GGCX: variants seen among roughly 807,000 people sequenced by gnomAD.
The protein encoded by GGCX is vitamin K-dependent gamma-carboxylase.
Under a neutral mutation model 88.5 loss-of-function variants are expected in GGCX, and 63 were observed. The observed-to-expected ratio is 0.71, with a 90% CI of 0.58 to 0.88. The LOEUF (loss-of-function observed/expected upper bound fraction) is 0.88, where lower values mean the gene tolerates loss of function less well. GGCX is among the 40% of genes least tolerant of loss of function. GGCX has a pLI of 0.00. For missense variants in GGCX, 805 were observed against 932.9 expected (o/e 0.86, Z 1.79); for synonymous variants, 368 against 365.8 (o/e 1.01, Z -0.07).
intron 13 of GGCX, 69 bp from the exon 14 acceptor site, chr2:85,550,819 T>C: frequency 6.3e-7 from 1 of 1,584,366 alleles, no homozygotes; most frequent in African/African-American, 1.3e-5. Context: ...ACTCCTCTTC[T>C]GCCAGCTAGA....
chr2:85,551,654 G>A, intron 11 of GGCX, 44 bp from the exon 12 acceptor site: 5 of 1,611,004 alleles, frequency 3.1e-6, no homozygotes, highest in Non-Finnish European at 4.2e-6. Flanking sequence ...ATGGCAGAGT[G>A]AACTCACTCC....
Position 85,560,806 on chromosome 2 carries a change from T to A in GGCX, c.214+9A>T. On this transcript the variant is annotated intron_variant, in intron 2 of 14. Transcript: ENST00000233838. ...AACCAAATTGCTCCCACCCATAAAC[T>A]GGACTCACCAAAAAGAAAACGAAAG... 6.2e-7 allele frequency: 1 copy of A among 1,611,646 alleles called. No homozygotes were observed.
Position 85,552,730 on chromosome 2 carries a change from GCTTA to G in GGCX, c.1288-167_1288-164del, listed in dbSNP as rs1342888774. ...AATTTTTCATTGTTGGGCTAGTGGT[GCTTA>G]CTTTTCCTGAATCTAATCTCAGTTC... is the stretch of plus-strand genomic sequence containing the variant. On this transcript the variant is annotated intron_variant, in intron 9 of 14. Transcript: ENST00000233838. Among the ~76,000 whole-genome samples the G allele has an allele frequency of 5.3e-5, 8 of 152,200 alleles. No individual in the cohort carries two copies. In the East Asian group the frequency reaches 1.5e-3, roughly 29 times the overall value.
At position 85,548,460 on chromosome 2, in the gene GGCX, A is replaced by G. The variant is rs1691776352; in HGVS notation, c.*1474T>C. Reference sequence around the variant, plus strand: ...GACCTATACGTCTAGGGCACAGGAAAGAAACCTAGCATCGTTGGAAATCCT... The same window carrying G: ...GACCTATACGTCTAGGGCACAGGAAGGAAACCTAGCATCGTTGGAAATCCT... On this transcript the variant is annotated 3_prime_UTR_variant, in exon 15 of 15. Coordinates refer to ENST00000233838, the MANE Select transcript of GGCX (RefSeq NM_000821.7). 1 of 152,384 alleles carries G rather than the reference A, an allele frequency of 6.6e-6. No individual in the cohort carries two copies. The highest frequency in any genetic ancestry group is 6.5e-5 in the Admixed American group (1 of 15,308). The allele number at this position is 152,384 out of a possible 1,614,324, so 9.4% of individuals were successfully genotyped here.
chr2:85,550,041 T>C lies in GGCX; in HGVS notation c.2170A>G (p.Asn724Asp), dbSNP rs1353751423. The C allele has an allele frequency of 4.3e-6, 7 of 1,612,576 alleles. No homozygotes were observed. Among genetic ancestry groups the C allele is most frequent in the Non-Finnish European group, 5.9e-6 (7 of 1,178,942 alleles). ...EQLAQEVTYA[N>D]LRPFEAVGEL... The stretch of plus-strand genomic sequence containing the variant: ...CCAACTGCCTCAAAGGGTCTCAAGT[T>C]TGCATAAGTCACCTCCTGGGCCAGC... The change falls in exon 15 of 15, where the codon AAC becomes GAC. Residue 724 changes from asparagine to aspartate, a missense_variant. Physicochemically the swap from Asn to Asp is conservative, Grantham distance 23. This residue lies in a region of GGCX where 680 missense variants were observed against 763.7 expected (regional missense o/e 0.89). Coordinates refer to ENST00000233838, the MANE Select transcript of GGCX (RefSeq NM_000821.7).
chr2:85,553,619 TG>T, intron 7 of GGCX, 122 bp from the exon 8 acceptor site: 1 of 949,614 alleles, frequency 1.1e-6, no homozygotes, highest in Non-Finnish European at 1.7e-6. Flanking sequence ...CTTTTTTTTT[TG>T]AGACAGTCTT....
Position 85,552,547 on chromosome 2 carries a change from T to C in GGCX, c.1308A>G (p.Arg436=). Residue 436 remains arginine (R), a synonymous_variant, in exon 10 of 15, where the codon CGA becomes CGG. Transcript: ENST00000233838. ...LNPGVFTQSR[R]WKDHADMLKQ... The stretch of plus-strand genomic sequence containing the variant: ...TCAGCATGTCTGCATGATCCTTCCA[T>C]CGCCGACTCTGTGTAAATACCTGCC... 1 of 1,613,806 alleles carries C rather than the reference T, an allele frequency of 6.2e-7. No individual in the cohort carries two copies. Among genetic ancestry groups the C allele is most frequent in the Non-Finnish European group, 8.5e-7 (1 of 1,180,002 alleles).
chr2:85,552,434 T>C lies in GGCX; in HGVS notation c.1421A>G (p.Asn474Ser). 6.2e-7 allele frequency: 1 copy of C among 1,614,064 alleles called. No homozygotes were observed. The highest frequency in any genetic ancestry group is 8.5e-7 in the Non-Finnish European group (1 of 1,179,902). Residue 474 changes from asparagine to serine, a missense_variant, in exon 10 of 15, where the codon AAT becomes AGT. Physicochemically the swap from Asn to Ser is conservative, Grantham distance 46 (BLOSUM62 1). Around this residue, in one of 3 missense-constraint regions of GGCX, gnomAD observed 680 missense variants for 763.7 expected, o/e 0.89. Coordinates refer to ENST00000233838, the MANE Select transcript of GGCX (RefSeq NM_000821.7). ...QIYFDIWVSI[N>S]DRFQQRIFDP... The stretch of plus-strand genomic sequence containing the variant: ...TGCCCACCTCTGCTGGAAGCGGTCA[T>C]TGATGGAGACCCAAATATCAAAGTA...
In GGCX at chr2:85,553,227, C is replaced by A. The variant is rs774361507; in HGVS notation, c.1155+5G>T. The stretch of plus-strand genomic sequence containing the variant: ...TTTGCTGTACACTCCACAGCCCCTA[C>A]AAACCTGGGTGAGAAAATGAGAATA... On this transcript the variant is annotated splice_donor_5th_base_variant and intron_variant, in intron 8 of 14. Transcript: ENST00000233838. 2.3e-5 allele frequency: 37 copies of A among 1,614,128 alleles called. No homozygotes were observed. The South Asian group carries it at 3.1e-4, about 13-fold the overall frequency.
In GGCX at chr2:85,547,480, T is replaced by A. The variant is rs535338497; in HGVS notation, c.*2454A>T. 2 of 152,214 alleles carry A rather than the reference T, an allele frequency of 1.3e-5. No homozygotes were observed. Among genetic ancestry groups the A allele is most frequent in the Non-Finnish European group, 2.9e-5 (2 of 68,032 alleles). 9.4% of individuals were successfully genotyped at this position (152,214 alleles called of 1,614,324 possible). On this transcript the variant is annotated 3_prime_UTR_variant, in exon 15 of 15. Transcript: ENST00000233838. The stretch of plus-strand genomic sequence containing the variant: ...GGGAAAATTGGTCAGAGAGGTGGTA[T>A]ACTAACAGTTTGGGGAAGGGCAGCA...
chr2:85,557,759 T>C (rs1692264024), intron 4 of GGCX, among the ~76,000 whole-genome samples: 1 of 152,038 alleles, frequency 6.6e-6, no homozygotes, highest in Admixed American at 6.6e-5. Flanking sequence ...AATAAATAAA[T>C]AAAAAGAAAA....
chr2:85,555,223 T>C, intron 6 of GGCX: 1 of 380,436 alleles, frequency 2.6e-6, no homozygotes, highest in Admixed American at 3.7e-5. Context: ...ACTCACCAAG[T>C]CAGCCAGTTC....
rs1481814769 is a variant in GGCX, at chr2:85,550,603, T to A, written c.2036A>T (p.Glu679Val). ...TCGCAACAAGAAGCGGAAGAATCGC[T>A]CATGGAAAGGAGTATTTCGCCGGCG... ...IERRRNTPFH[E>V]RFFRFLLRKL... Residue 679 changes from glutamate to valine, a missense_variant, in exon 14 of 15, where the codon GAG (glutamate) becomes GTG (valine). Glu to Val is a moderately radical substitution (Grantham distance 121). Around this residue, in one of 3 missense-constraint regions of GGCX, gnomAD observed 680 missense variants for 763.7 expected, o/e 0.89. Coordinates refer to ENST00000233838, the MANE Select transcript of GGCX (RefSeq NM_000821.7). 4 of 1,613,944 alleles carry A rather than the reference T, an allele frequency of 2.5e-6. No individual in the cohort carries two copies. The highest frequency in any genetic ancestry group is 3.4e-6 in the Non-Finnish European group (4 of 1,179,958).
chr2:85,554,110 G>A, intron 7 of GGCX, 33 bp downstream of exon 7: 1 of 1,573,532 alleles, frequency 6.4e-7, no homozygotes, highest in Non-Finnish European at 8.7e-7. Context: ...CAAAACTGTG[G>A]TTCCTGTTTC....
Position 85,558,613 on chromosome 2 carries a change from T to C in GGCX, c.374-8A>G, listed in dbSNP as rs748148707. The C allele has an allele frequency of 6.2e-7, 1 of 1,610,512 alleles. No individual in the cohort carries two copies. Among genetic ancestry groups the C allele is most frequent in the Non-Finnish European group, 8.5e-7 (1 of 1,176,760 alleles). On this transcript the variant is annotated splice_polypyrimidine_tract_variant and splice_region_variant and intron_variant, in intron 3 of 14. Transcript: ENST00000233838. Reference sequence around the variant, plus strand: ...GCATCATGCCCAGTGCCCCTGGGATTTGTAGGGAGAGGATTAAGAGGTCAA... The same window carrying C: ...GCATCATGCCCAGTGCCCCTGGGATCTGTAGGGAGAGGATTAAGAGGTCAA...
chr2:85,550,095 G>C lies in GGCX; in HGVS notation c.2116C>G (p.Leu706Val). The C allele has an allele frequency of 6.2e-7, 1 of 1,613,854 alleles. No homozygotes were observed. Among genetic ancestry groups the C allele is most frequent in the Non-Finnish European group, 8.5e-7 (1 of 1,179,772 alleles). The change falls in exon 15 of 15, where the codon CTG (leucine) becomes GTG (valine). Residue 706 changes from leucine to valine, a missense_variant. Physicochemically the swap from Leu to Val is conservative, Grantham distance 32. Transcript: ENST00000233838. ...FLMTCISLRNLILGRPSLEQL... is the reference protein window; with the variant it reads ...FLMTCISLRNVILGRPSLEQL... ...TCCAGGGAAGGACGGCCTAATATCA[G>C]ATTTCGAAGTGAGATACAAGTCATC...
Position 85,550,060 on chromosome 2 carries a change from G to C in GGCX, c.2151C>G (p.Ala717=). Residue 717 remains alanine, a synonymous_variant, in exon 15 of 15, where the codon GCC becomes GCG. Transcript: ENST00000233838. ...TCAAGTTTGCATAAGTCACCTCCTG[G>C]GCCAGCTGCTCCAGGGAAGGACGGC... is the stretch of plus-strand genomic sequence containing the variant. ...ILGRPSLEQL[A]QEVTYANLRP... The C allele has an allele frequency of 1.2e-6, 2 of 1,612,934 alleles. No individual in the cohort carries two copies. Among genetic ancestry groups the C allele is most frequent in the East Asian group, 4.5e-5 (2 of 44,864 alleles).
rs1268457565 is a variant in GGCX at position 85,548,033 on chromosome 2, C to G, written c.*1901G>C. 6.6e-6 allele frequency: 1 copy of G among 152,120 alleles called. No individual in the cohort carries two copies. The highest frequency in any genetic ancestry group is 1.5e-5 in the Non-Finnish European group (1 of 68,046). 9.4% of individuals were successfully genotyped at this position (152,120 alleles called of 1,614,324 possible). On this transcript the variant is annotated 3_prime_UTR_variant, in exon 15 of 15. Coordinates refer to ENST00000233838, the MANE Select transcript of GGCX (RefSeq NM_000821.7). ...GCCAATGTGGGAAACCATGTCTCTACTAAAAATACAAAAATTAGTTGGGCG... is the reference window on the plus strand; with the variant it reads ...GCCAATGTGGGAAACCATGTCTCTAGTAAAAATACAAAAATTAGTTGGGCG...
chr2:85,551,726 C>T, intron 11 of GGCX, 86 bp downstream of exon 11: 1 of 1,559,846 alleles, frequency 6.4e-7, no homozygotes, highest in African/African-American at 1.4e-5. Context: ...AAAAACATTC[C>T]CTCTCCCCTC....
Sources: gnomAD v4.1 joint callset for allele counts (sites outside exome capture counted in the v4.1 genomes callset) on GRCh38, gnomAD v4.1.1 for gene constraint, gnomAD v4.1.1 regional missense constraint, MANE v1.5 for transcripts, NCBI Gene and HGNC (gene_info 2026-07-23, HGNC 2026-07-21) for gene names.